Variants in LINGO1 observed in about 807,000 individuals in gnomAD.
LINGO1 encodes the protein leucine-rich repeat and immunoglobulin-like domain-containing nogo receptor-interacting protein 1.
A neutral mutation model predicts 37.3 loss-of-function variants in LINGO1; 11 were observed. That is an observed-to-expected ratio of 0.29 (90% confidence interval 0.19 to 0.49). The LOEUF is 0.49. Among genes scored for constraint, LINGO1 ranks in the 20% least tolerant of loss-of-function variants. LINGO1 has a pLI of 0.99. For missense variants in LINGO1, 585 were observed against 878.2 expected (o/e 0.67, Z 4.22); for synonymous variants, 387 against 403.0 (o/e 0.96, Z 0.48).
intron 1 of LINGO1, among the ~76,000 whole-genome samples, chr15:77,623,177 G>A (rs2073977774): frequency 6.6e-6 from 1 of 152,266 alleles, no homozygotes; most frequent in African/African-American, 2.4e-5. Context: ...GCTTTGTGGT[G>A]AGGGGGAGGT....
At chr15:77,675,006 G>C (rs2075306381) in intron 3 of LINGO1, among the ~76,000 whole-genome samples, 1 of 152,060 alleles carries the variant, frequency 6.6e-6, no homozygotes, top group Non-Finnish European at 1.5e-5. Flanking sequence ...ATTTACAAGT[G>C]AAGAAACAGA....
chr15:77,673,301 G>GAA (rs71447161), intron 3 of LINGO1, among the ~76,000 whole-genome samples: 2 of 145,564 alleles, frequency 1.4e-5, no homozygotes, highest in African/African-American at 5.0e-5. Context: ...AAACTTAAAT[G>GAA]AAAAAAAAAA....
At chr15:77,654,234 C>T (rs979737269) in intron 3 of LINGO1, among the ~76,000 whole-genome samples, 30 of 152,088 alleles carry the variant, frequency 2.0e-4, no homozygotes, top group Admixed American at 1.0e-3. Flanking sequence ...GAGAAATTAC[C>T]GTGAGTTGTT....
At chr15:77,676,465 C>T (rs2075329239) in intron 3 of LINGO1, among the ~76,000 whole-genome samples, 1 of 152,228 alleles carries the variant, frequency 6.6e-6, no homozygotes, top group African/African-American at 2.4e-5. Context: ...GCTACCCCAT[C>T]CTATTCCTTG....
upstream of LINGO1, among the ~76,000 whole-genome samples, chr15:77,791,712 A>G (rs2076819945): frequency 6.6e-6 from 1 of 152,112 alleles, no homozygotes. Flanking sequence ...TCACCAGTTA[A>G]GAGTCCCTTA....
At chr15:77,751,529 G>T (rs1222071638) in intron 1 of LINGO1, among the ~76,000 whole-genome samples, 1 of 152,158 alleles carries the variant, frequency 6.6e-6, no homozygotes, top group Non-Finnish European at 1.5e-5. Flanking sequence ...TATGGGGTAG[G>T]GGGGACACAG....
intron 1 of LINGO1, among the ~76,000 whole-genome samples, chr15:77,742,771 C>T (rs145291626): frequency 1.4e-4 from 22 of 152,318 alleles, no homozygotes; most frequent in African/African-American, 3.1e-4. Context: ...AGTGGGAGCA[C>T]GGCCAGCTTC....
chr15:77,699,834 G>A (rs2075760142), upstream of LINGO1, among the ~76,000 whole-genome samples: 1 of 114,254 alleles, frequency 8.8e-6, no homozygotes, highest in South Asian at 2.9e-4. Flanking sequence ...AGCATCCCCA[G>A]TGTCTCAAAC....
In LINGO1 at chr15:77,711,536, A is replaced by T. The variant is rs190993762; in HGVS notation, c.-194-20635T>A. 1.4e-3 allele frequency among the ~76,000 whole-genome samples: 217 copies of T among 152,326 alleles called. 3 individuals are homozygous for T. The highest frequency in any genetic ancestry group is 5.1e-3 in the African/African-American group (213 of 41,564). The stretch of plus-strand genomic sequence containing the variant: ...TAAAGATGGCAGCCCTGGGGCAAAG[A>T]CAGGGAGGCTGAGGAACACTGAGGC... On this transcript the variant is annotated intron_variant, in intron 2 of 3. Transcript: ENST00000561686.
Position 77,614,411 on chromosome 15 carries a change from G to T in LINGO1, c.1496C>A (p.Ala499Glu). Residue 499 changes from alanine (A) to glutamate (E), a missense_variant, in exon 2 of 2, where the codon GCG becomes GAG. Around this residue, in one of 4 missense-constraint regions of LINGO1, gnomAD observed 484 missense variants for 735.0 expected, o/e 0.66. Coordinates refer to ENST00000355300, the MANE Select transcript of LINGO1 (RefSeq NM_032808.7). The part of the protein sequence containing the change: ...VQDNGTYLCI[A>E]ANAGGNDSMP... ...GGAGTCGTTGCCGCCCGCGTTGGCC[G>T]CGATGCACAGGTACGTGCCGTTGTC... 1 of 1,612,808 alleles carries T rather than the reference G, an allele frequency of 6.2e-7. No homozygotes were observed. Among genetic ancestry groups the T allele is most frequent in the Non-Finnish European group, 8.5e-7 (1 of 1,179,812 alleles).
intron 3 of LINGO1, among the ~76,000 whole-genome samples, chr15:77,664,172 C>CGCGCGT (rs2075073178): frequency 1.3e-5 from 1 of 77,588 alleles, no homozygotes. Context: ...TGTGTGTGTG[C>CGCGCGT]GCGCGCGCAT....
At chr15:77,766,943 G>A (rs1002535443) in intron 1 of LINGO1, among the ~76,000 whole-genome samples, 1 of 16,150 alleles carries the variant, frequency 6.2e-5, no homozygotes, top group Non-Finnish European at 2.2e-4. Flanking sequence ...CCAGAAAGAG[G>A]AGAAGATTTT....
At position 77,615,885 on chromosome 15, in the gene LINGO1, G is replaced by T. The variant is rs1332216463; in HGVS notation, c.22C>A (p.Leu8Met). The change falls in exon 2 of 2, where the codon CTG (leucine) becomes ATG (methionine). Residue 8 changes from leucine to methionine, a missense_variant. Transcript: ENST00000355300. Reference protein sequence around the residue: MQVSKRMLAGGVRSMPSP... With the variant: MQVSKRMMAGGVRSMPSP... ...GGCATGCTCCTCACGCCCCCCGCCA[G>T]CATCCTCTTGCTCACCTGCAGCCGG... The T allele has an allele frequency of 6.8e-7, 1 of 1,470,002 alleles. No individual in the cohort carries two copies. The highest frequency in any genetic ancestry group is 9.0e-7 in the Non-Finnish European group (1 of 1,116,872). The allele number at this position is 1,470,002 out of a possible 1,614,324, so 91.1% of individuals were successfully genotyped here. A position where few individuals can be genotyped will look rare whatever the true frequency, so the allele number is the denominator to read the frequency against.
intron 2 of LINGO1, among the ~76,000 whole-genome samples, chr15:77,794,559 TATACACACAC>T (rs1295013768): frequency 0.015 from 1,774 of 114,606 alleles, 167 homozygotes; most frequent in Middle Eastern, 0.03. Context: ...TATGTGTATA[TATACACACAC>T]ACATATATAT....
chr15:77,781,872 G>C (rs1263140350), intron 1 of LINGO1, among the ~76,000 whole-genome samples: 1 of 152,366 alleles, frequency 6.6e-6, no homozygotes, highest in Admixed American at 6.5e-5. Flanking sequence ...CAGAGCTGCT[G>C]CCTCCCAGGT....
intron 3 of LINGO1, chr15:77,652,412 T>C (rs1023969174): frequency 6.6e-6 from 1 of 152,074 alleles, no homozygotes; most frequent in Non-Finnish European, 1.5e-5. Context: ...TATGAAATTA[T>C]GACTGACAGC....
chr15:77,626,673 T>C (rs936792931), intron 1 of LINGO1, among the ~76,000 whole-genome samples: 4 of 152,220 alleles, frequency 2.6e-5, no homozygotes, highest in Non-Finnish European at 5.9e-5. Context: ...AAAGGTCTAC[T>C]GCAGGCCCAG....
At chr15:77,649,859 A>C (rs1176829037) in intron 3 of LINGO1, among the ~76,000 whole-genome samples, 2 of 152,102 alleles carry the variant, frequency 1.3e-5, no homozygotes, top group African/African-American at 2.4e-5. Flanking sequence ...GAAAGGGTGG[A>C]GATCTTTTCC....
intron 1 of LINGO1, among the ~76,000 whole-genome samples, chr15:77,761,474 A>G (rs910871170): frequency 6.6e-6 from 1 of 152,226 alleles, no homozygotes; most frequent in Non-Finnish European, 1.5e-5. Flanking sequence ...TGGGGACATA[A>G]CAACCAGTTT....
Sources: gnomAD v4.1 joint callset for allele counts (sites outside exome capture counted in the v4.1 genomes callset) on GRCh38, gnomAD v4.1.1 for gene constraint, gnomAD v4.1.1 regional missense constraint, MANE v1.5 for transcripts, NCBI Gene and HGNC (gene_info 2026-07-23, HGNC 2026-07-21) for gene names.